Variants in LRP1B observed in about 807,000 individuals in gnomAD.
LRP1B encodes low-density lipoprotein receptor-related protein 1B.
Under a neutral mutation model 556.6 loss-of-function variants are expected in LRP1B, and 217 were observed. That is an observed-to-expected ratio of 0.39 (90% confidence interval 0.35 to 0.44). The LOEUF is 0.44. LRP1B is among the 20% of genes least tolerant of loss of function. The probability of loss-of-function intolerance (pLI) is 1.00; values close to 1 mark genes in which losing one functional copy is unlikely to be tolerated. For synonymous variants in LRP1B, 2,047 were observed against 1,865.8 expected, an observed-to-expected ratio of 1.10 and a Z score of -2.50; for missense variants, 5,053 against 5,620.8, an observed-to-expected ratio of 0.90 and a Z score of 3.23.
intron 43 of LRP1B, among the ~76,000 whole-genome samples, chr2:140,567,964 A>G (rs1010123030): frequency 6.6e-6 from 1 of 152,138 alleles, no homozygotes; most frequent in African/African-American, 2.4e-5. Context: ...ACTAAGACCC[A>G]TCTGTGGATA....
intron 2 of LRP1B, among the ~76,000 whole-genome samples, chr2:141,703,824 C>A (rs1326713805): frequency 6.6e-6 from 1 of 151,906 alleles, no homozygotes; most frequent in African/African-American, 2.4e-5. Context: ...TAGCTTTGTT[C>A]ATTTGCCAAT....
intron 3 of LRP1B, among the ~76,000 whole-genome samples, chr2:141,454,472 C>T (rs1469116732): frequency 6.6e-6 from 1 of 152,126 alleles, no homozygotes; most frequent in Non-Finnish European, 1.5e-5. Context: ...TATGGGCCCA[C>T]TTACATGGTC....
chr2:141,162,189 A>G (rs1443412089), intron 7 of LRP1B, among the ~76,000 whole-genome samples: 2 of 152,138 alleles, frequency 1.3e-5, no homozygotes, highest in Non-Finnish European at 2.9e-5. Flanking sequence ...GAAATATTTT[A>G]TAAATATGCT....
chr2:141,537,537 A>G (rs1474086563), intron 2 of LRP1B, among the ~76,000 whole-genome samples: 1 of 152,150 alleles, frequency 6.6e-6, no homozygotes, highest in African/African-American at 2.4e-5. Context: ...ATTAACCTGA[A>G]TATCAATTTC....
At chr2:140,828,007 T>C (rs1424324989) in intron 31 of LRP1B, among the ~76,000 whole-genome samples, 4 of 152,078 alleles carry the variant, frequency 2.6e-5, no homozygotes, top group Non-Finnish European at 4.4e-5. Context: ...GCAAGAATAC[T>C]GTACCCAGAA....
At chr2:141,181,710 A>C (rs1681003580) in intron 7 of LRP1B, among the ~76,000 whole-genome samples, 1 of 151,916 alleles carries the variant, frequency 6.6e-6, no homozygotes, top group African/African-American at 2.4e-5. Context: ...AACCACTCCA[A>C]GTTTCCCTGT....
chr2:141,438,287 G>A (rs768339591), intron 3 of LRP1B, among the ~76,000 whole-genome samples: 56 of 152,002 alleles, frequency 3.7e-4, no homozygotes, highest in Non-Finnish European at 6.5e-4. Context: ...GTGTATGTGT[G>A]TGCATGTGTG....
At chr2:141,392,470 AAAAAAAAAAAAGAG>A in intron 3 of LRP1B, among the ~76,000 whole-genome samples, 1 of 145,818 alleles carries the variant, frequency 6.9e-6, no homozygotes, top group South Asian at 2.1e-4. Context: ...TAAAAAAAAA[AAAAAAAAAAAAGAG>A]AGACTGTCAC....
intron 41 of LRP1B, among the ~76,000 whole-genome samples, chr2:140,650,838 T>TC (rs1330511744): frequency 6.6e-6 from 1 of 152,048 alleles, no homozygotes; most frequent in Non-Finnish European, 1.5e-5. Context: ...GAGAGAGATT[T>TC]CCCCTCGAAA....
chr2:140,456,882 C>G (rs1687127966), intron 61 of LRP1B, among the ~76,000 whole-genome samples: 1 of 152,058 alleles, frequency 6.6e-6, no homozygotes, highest in South Asian at 2.1e-4. Flanking sequence ...TAAACAAAGA[C>G]TAGAAGCATT....
chr2:142,050,013 T>C (rs1704396013), intron 1 of LRP1B, among the ~76,000 whole-genome samples: 1 of 152,156 alleles, frequency 6.6e-6, no homozygotes, highest in South Asian at 2.1e-4. Flanking sequence ...ACATAGTCTG[T>C]GAGGAGTAGG....
chr2:141,020,652 A>G (rs1323891818), intron 11 of LRP1B, among the ~76,000 whole-genome samples: 1 of 152,032 alleles, frequency 6.6e-6, no homozygotes, highest in African/African-American at 2.4e-5. Context: ...TCAACAGTCA[A>G]TCTCAAGGAA....
chr2:140,657,722 T>C (rs1452116420), intron 41 of LRP1B, among the ~76,000 whole-genome samples: 1 of 150,904 alleles, frequency 6.6e-6, no homozygotes, highest in Non-Finnish European at 1.5e-5. Context: ...AGAAATTAAA[T>C]TATATCTATT....
intron 43 of LRP1B, among the ~76,000 whole-genome samples, chr2:140,593,615 T>C (rs1682313835): frequency 6.6e-6 from 1 of 152,092 alleles, no homozygotes; most frequent in Non-Finnish European, 1.5e-5. Context: ...GTTATTAAAA[T>C]CAGAAAAACC....
intron 41 of LRP1B, among the ~76,000 whole-genome samples, chr2:140,617,759 A>C (rs1683308310): frequency 6.6e-6 from 1 of 152,054 alleles, no homozygotes; most frequent in Non-Finnish European, 1.5e-5. Flanking sequence ...ATAAAAAGTA[A>C]GTTCTATTTT....
intron 1 of LRP1B, among the ~76,000 whole-genome samples, chr2:142,111,898 C>T (rs1707000654): frequency 6.6e-6 from 1 of 151,878 alleles, no homozygotes; most frequent in Non-Finnish European, 1.5e-5. Context: ...TATCATTATC[C>T]CCATTTTATA....
At chr2:140,691,260 T>C (rs1469645023) in intron 41 of LRP1B, among the ~76,000 whole-genome samples, 1 of 151,936 alleles carries the variant, frequency 6.6e-6, no homozygotes, top group Non-Finnish European at 1.5e-5. Flanking sequence ...TCACCTGAGG[T>C]TGGGAGTTCA....
chr2:140,553,733 A>G (rs1680630712), intron 43 of LRP1B, among the ~76,000 whole-genome samples: 1 of 152,046 alleles, frequency 6.6e-6, no homozygotes, highest in Non-Finnish European at 1.5e-5. Context: ...TAGGGACGCC[A>G]TAAGTGATGG....
intron 41 of LRP1B, chr2:140,683,770 C>G (rs1436931069): frequency 2.1e-6 from 2 of 963,476 alleles, no homozygotes; most frequent in Admixed American, 3.6e-5. Context: ...TCTCTCCTGA[C>G]AGGAGTGGTC....
Sources: allele counts gnomAD v4.1 joint callset (sites outside exome capture counted in the v4.1 genomes callset), GRCh38; gene constraint gnomAD v4.1.1; transcripts MANE v1.5; gene names NCBI Gene and HGNC (gene_info 2026-07-23, HGNC 2026-07-21).